SGCZ: variants seen among roughly 807,000 people sequenced by gnomAD.
SGCZ encodes the protein sarcoglycan zeta.
In SGCZ, 40 loss-of-function variants were observed where a neutral mutation model predicts 41.3. The observed-to-expected ratio is 0.97, with a 90% CI of 0.75 to 1.26. SGCZ has a LOEUF of 1.26. Among genes scored for constraint, SGCZ ranks in the 50% most tolerant of loss-of-function variants. The pLI is 0.00. For synonymous variants in SGCZ, 206 were observed against 137.5 expected, an observed-to-expected ratio of 1.50 and a Z score of -3.49; for missense variants, 552 against 369.8, an observed-to-expected ratio of 1.49 and a Z score of -4.04.
chr8:14,374,833 C>T (rs752969782), intron 2 of SGCZ, among the ~76,000 whole-genome samples: 1 of 152,014 alleles, frequency 6.6e-6, no homozygotes, highest in Non-Finnish European at 1.5e-5. Context: ...ATTATGGAGT[C>T]CTGAGGGCTG....
At chr8:14,417,819 A>G (rs1799536461) in intron 2 of SGCZ, among the ~76,000 whole-genome samples, 1 of 151,872 alleles carries the variant, frequency 6.6e-6, no homozygotes, top group African/African-American at 2.4e-5. Context: ...ATATTGAAAT[A>G]TCACATTATA....
intron 2 of SGCZ, among the ~76,000 whole-genome samples, chr8:14,551,739 T>C (rs929245902): frequency 9.2e-6 from 1 of 108,598 alleles, no homozygotes; most frequent in Non-Finnish European, 1.9e-5. Context: ...TAATATAAAG[T>C]CATTTCCTTT....
chr8:14,250,591 G>A (rs1342819590), intron 3 of SGCZ, among the ~76,000 whole-genome samples: 1 of 152,100 alleles, frequency 6.6e-6, no homozygotes, highest in African/African-American at 2.4e-5. Context: ...AAGAATAGGG[G>A]TCTCCATATA....
chr8:14,493,840 T>G (rs1343657224), intron 2 of SGCZ, among the ~76,000 whole-genome samples: 1 of 152,182 alleles, frequency 6.6e-6, no homozygotes, highest in Non-Finnish European at 1.5e-5. Flanking sequence ...GTTATAATAC[T>G]GTTTTTATAT....
At chr8:14,576,631 C>T (rs140792937) in intron 1 of SGCZ, among the ~76,000 whole-genome samples, 1 of 152,148 alleles carries the variant, frequency 6.6e-6, no homozygotes, top group Non-Finnish European at 1.5e-5. Flanking sequence ...GACATTTGCT[C>T]AAAGCCATAG....
intron 1 of SGCZ, among the ~76,000 whole-genome samples, chr8:14,770,745 A>C (rs1800209497): frequency 6.6e-6 from 1 of 152,168 alleles, no homozygotes; most frequent in African/African-American, 2.4e-5. Flanking sequence ...TGCCACCAAA[A>C]GTTCATAACC....
intron 1 of SGCZ, among the ~76,000 whole-genome samples, chr8:14,776,618 C>T (rs201763852): frequency 3.3e-5 from 5 of 150,742 alleles, no homozygotes; most frequent in East Asian, 3.9e-4. Flanking sequence ...CTCAGCCTCC[C>T]GAGTAGCTGG....
chr8:14,342,593 G>A (rs961407475), intron 2 of SGCZ, among the ~76,000 whole-genome samples: 4 of 152,118 alleles, frequency 2.6e-5, no homozygotes, highest in Non-Finnish European at 5.9e-5. Context: ...GGGATTACAG[G>A]CGTGAGCCAC....
intron 1 of SGCZ, among the ~76,000 whole-genome samples, chr8:14,660,889 C>G (rs1045227175): frequency 1.3e-5 from 2 of 152,104 alleles, no homozygotes; most frequent in Non-Finnish European, 2.9e-5. Context: ...ATATAGAGGT[C>G]TTACCTGATT....
intron 2 of SGCZ, among the ~76,000 whole-genome samples, chr8:14,380,256 T>C (rs1447344841): frequency 6.6e-6 from 1 of 152,196 alleles, no homozygotes; most frequent in African/African-American, 2.4e-5. Context: ...GTACAGACAC[T>C]GTCACATCCA....
intron 1 of SGCZ, among the ~76,000 whole-genome samples, chr8:14,674,411 T>C (rs527622458): frequency 4.3e-4 from 66 of 152,300 alleles, no homozygotes; most frequent in African/African-American, 1.6e-3. Flanking sequence ...AGAAAAAAGA[T>C]AAACTAATTG....
intron 1 of SGCZ, among the ~76,000 whole-genome samples, chr8:14,769,375 C>G (rs1290507395): frequency 6.6e-6 from 1 of 152,154 alleles, no homozygotes; most frequent in Non-Finnish European, 1.5e-5. Flanking sequence ...ACTTATAGAA[C>G]AGAATAATGA....
chr8:14,270,875 T>C (rs1800034596), intron 3 of SGCZ, among the ~76,000 whole-genome samples: 2 of 152,018 alleles, frequency 1.3e-5, no homozygotes, highest in Admixed American at 1.3e-4. Context: ...GCCATAAAAA[T>C]GATGAGCTCA....
chr8:14,884,979 A>G (rs984542159), intron 1 of SGCZ, among the ~76,000 whole-genome samples: 1 of 152,090 alleles, frequency 6.6e-6, no homozygotes, highest in Non-Finnish European at 1.5e-5. Context: ...GAAAAAATCG[A>G]CAGCATTCTC....
intron 2 of SGCZ, among the ~76,000 whole-genome samples, chr8:14,385,729 C>G (rs1466162386): frequency 6.6e-6 from 1 of 151,966 alleles, no homozygotes; most frequent in Non-Finnish European, 1.5e-5. Context: ...CAGAGAACAA[C>G]CAACCAAACA....
intron 1 of SGCZ, among the ~76,000 whole-genome samples, chr8:14,948,340 A>G (rs1005844411): frequency 6.6e-6 from 1 of 152,142 alleles, no homozygotes; most frequent in Non-Finnish European, 1.5e-5. Flanking sequence ...TTTAATAATC[A>G]CAACTCAGGA....
At chr8:14,857,968 T>A (rs1337449617) in intron 1 of SGCZ, among the ~76,000 whole-genome samples, 1 of 152,170 alleles carries the variant, frequency 6.6e-6, no homozygotes, top group African/African-American at 2.4e-5. Flanking sequence ...TCAAAAATAC[T>A]TATTTTCAGA....
chr8:14,103,852 C>A (rs1371579060), intron 6 of SGCZ, among the ~76,000 whole-genome samples: 2 of 152,070 alleles, frequency 1.3e-5, no homozygotes, highest in Non-Finnish European at 2.9e-5. Flanking sequence ...AATCCTACTG[C>A]TTAATAAAAT....
At chr8:14,466,554 AT>A (rs1180801340) in intron 2 of SGCZ, among the ~76,000 whole-genome samples, 1 of 151,864 alleles carries the variant, frequency 6.6e-6, no homozygotes, top group Non-Finnish European at 1.5e-5. Context: ...TGTCCACTGT[AT>A]CCCTCTTCAT....
Sources: gnomAD v4.1 joint callset for allele counts (sites outside exome capture counted in the v4.1 genomes callset) on GRCh38, gnomAD v4.1.1 for gene constraint, MANE v1.5 for transcripts, NCBI Gene and HGNC (gene_info 2026-07-23, HGNC 2026-07-21) for gene names.